The following TBX3 variants were observed in gnomAD, a reference collection of about 807,000 sequenced individuals.
TBX3 encodes the protein T-box transcription factor 3.
TBX3 carries 11 observed loss-of-function variants against 47.8 expected under a neutral mutation model. That is an observed-to-expected ratio of 0.23 (90% confidence interval 0.14 to 0.38). The LOEUF (loss-of-function observed/expected upper bound fraction) is 0.38, where lower values mean the gene tolerates loss of function less well. Among genes scored for constraint, TBX3 ranks in the 10% least tolerant of loss-of-function variants. The probability of loss-of-function intolerance (pLI) is 1.00; values close to 1 mark genes in which losing one functional copy is unlikely to be tolerated. For missense variants in TBX3, 927 were observed against 1,022.8 expected, an observed-to-expected ratio of 0.91 and a Z score of 1.28; for synonymous variants, 500 against 449.3, an observed-to-expected ratio of 1.11 and a Z score of -1.43.
intron 6 of TBX3, among the ~76,000 whole-genome samples, chr12:114,673,548 G>A (rs1868552331): frequency 6.6e-6 from 1 of 152,156 alleles, no homozygotes; most frequent in Admixed American, 6.5e-5. Context: ...CTTCGAACTG[G>A]GAGGAAAGGC....
In TBX3 at chr12:114,676,407, G is replaced by C. The variant is rs1868715436; in HGVS notation, c.945C>G (p.Thr315=). The C allele has an allele frequency of 6.2e-7, 1 of 1,614,234 alleles. No homozygotes were observed. The highest frequency in any genetic ancestry group is 8.5e-7 in the Non-Finnish European group (1 of 1,180,038). ...FDERHKKENG[T]SDESSSEQAA... ...CTTGTTCACTGGAGGACTCATCAGA[G>C]GTCCCATTCTCCTTTTTGTGTCTTT... Residue 315 remains threonine (T), a synonymous_variant, in exon 5 of 7, where the codon ACC becomes ACG. Coordinates refer to ENST00000349155, the MANE Select transcript of TBX3 (RefSeq NM_005996.4).
rs568322992 is a variant in TBX3, at chr12:114,679,885, A to T, written c.658-234T>A. 1,131 of 1,610,846 alleles carry T rather than the reference A, an allele frequency of 7.0e-4. 21 individuals carry two copies. In the South Asian group the frequency reaches 0.011, roughly 16 times the overall value. ...CCCCCCCCACCCTCACCATCTAAGGATCATTCATACCTTGAACCCTAGCCT... is the reference window on the plus strand; with the variant it reads ...CCCCCCCCACCCTCACCATCTAAGGTTCATTCATACCTTGAACCCTAGCCT... On this transcript the variant is annotated intron_variant, in intron 2 of 6. Coordinates refer to ENST00000349155, the MANE Select transcript of TBX3 (RefSeq NM_005996.4).
At position 114,674,055 on chromosome 12, in the gene TBX3, A is replaced by G. The variant is rs74932638; in HGVS notation, c.1710+110T>C. ...TGAACCCGGTAATGGCTCAGTAAAA[A>G]TTATTACAGCTACTAGGCCAAAGGG... On this transcript the variant is annotated intron_variant, in intron 6 of 6. Transcript: ENST00000349155. The G allele has an allele frequency of 2.0e-3, 2,736 of 1,397,760 alleles. 38 individuals are homozygous for G. In the African/African-American group the frequency reaches 0.033, roughly 17 times the overall value. 86.6% of individuals were successfully genotyped at this position (1,397,760 alleles called of 1,614,324 possible). A position where few individuals can be genotyped will look rare whatever the true frequency, so the allele number is the denominator to read the frequency against.
At chr12:114,676,067 A>T (rs1038668996) in intron 5 of TBX3, among the ~76,000 whole-genome samples, 6 of 151,806 alleles carry the variant, frequency 4.0e-5, no homozygotes, top group African/African-American at 1.5e-4. Flanking sequence ...ACAGACACCC[A>T]CCTCCCCTCC....
rs374981272 is a variant in TBX3, at chr12:114,674,575, G to A, written c.1300C>T (p.Arg434Cys). Residue 434 changes from arginine (R) to cysteine (C), a missense_variant, in exon 6 of 7, where the codon CGC (arginine) becomes TGC (cysteine). Arg to Cys is a radical substitution (Grantham distance 180, BLOSUM62 -3). Transcript: ENST00000349155. The stretch of plus-strand genomic sequence containing the variant: ...GTGCCCTCGCGAACCGGGCTCCTGC[G>A]CTCCTCCGCGCCCAGGCCGCGAGTG... ...SSTRGLGAEERRSPVREGTAP... is the reference protein window; with the variant it reads ...SSTRGLGAEECRSPVREGTAP... 6.3e-7 allele frequency: 1 copy of A among 1,579,898 alleles called. No homozygotes were observed. The highest frequency in any genetic ancestry group is 8.6e-7 in the Non-Finnish European group (1 of 1,165,956).
chr12:114,671,831 T>C lies in TBX3; in HGVS notation c.*10A>G, dbSNP rs1868445498. ...CTGGACTGGAATGAAAAGACGTGTC[T>C]GGGACGGGTCTACGGGGACGCGCTG... On this transcript the variant is annotated 3_prime_UTR_variant, in exon 7 of 7. Transcript: ENST00000349155. The C allele has an allele frequency of 6.4e-7, 1 of 1,552,312 alleles. No individual in the cohort carries two copies. Among genetic ancestry groups the C allele is most frequent in the Admixed American group, 2.0e-5 (1 of 51,230 alleles).
intron 5 of TBX3, among the ~76,000 whole-genome samples, chr12:114,676,097 C>T (rs932038935): frequency 1.3e-5 from 2 of 152,212 alleles, no homozygotes; most frequent in East Asian, 3.9e-4. Context: ...AAATAAGGAT[C>T]TGGGAGAAAG....
chr12:114,676,459 G>A lies in TBX3; in HGVS notation c.893C>T (p.Thr298Ile). The A allele has an allele frequency of 6.2e-7, 1 of 1,614,218 alleles. No homozygotes were observed. Among genetic ancestry groups the A allele is most frequent in the East Asian group, 2.2e-5 (1 of 44,886 alleles). Residue 298 changes from threonine to isoleucine, a missense_variant, in exon 5 of 7, where the codon ACC becomes ATC. Transcript: ENST00000349155. ...ATCAAACACCCTCATGGACTGCAGG[G>A]TGAGCTGTTTTCTGTGGCAGAAGCC... ...NGRREKRKQL[T>I]LQSMRVFDER...
rs1229934983 is a variant in TBX3 at position 114,671,761 on chromosome 12, G to A, written c.*80C>T. 1.3e-5 allele frequency: 19 copies of A among 1,518,116 alleles called. No homozygotes were observed. The highest frequency in any genetic ancestry group is 1.4e-5 in the Non-Finnish European group (16 of 1,120,148). The allele number at this position is 1,518,116 out of a possible 1,614,324, so 94.0% of individuals were successfully genotyped here. A position where few individuals can be genotyped will look rare whatever the true frequency, so the allele number is the denominator to read the frequency against. The stretch of plus-strand genomic sequence containing the variant: ...AAAGGAAGGGCTAACGCCATGGCGG[G>A]CCCGTGGTTTATTTTATATCCGACA... On this transcript the variant is annotated 3_prime_UTR_variant, in exon 7 of 7. Coordinates refer to ENST00000349155, the MANE Select transcript of TBX3 (RefSeq NM_005996.4).
In TBX3 at chr12:114,670,987, T is replaced by C. The variant is rs1448634409; in HGVS notation, c.*854A>G. ...TTTTTTAAAACCTTGTTATTGCATA[T>C]ACAGGAAAGAGAAAGAACTGTCAAA... On this transcript the variant is annotated 3_prime_UTR_variant, in exon 7 of 7. Transcript: ENST00000349155. 4.8e-6 allele frequency: 1 copy of C among 207,732 alleles called. No individual in the cohort carries two copies. Among genetic ancestry groups the C allele is most frequent in the Non-Finnish European group, 9.8e-6 (1 of 101,924 alleles). 12.9% of individuals were successfully genotyped at this position (207,732 alleles called of 1,614,324 possible).
chr12:114,675,626 C>G (rs1868672241), intron 5 of TBX3, among the ~76,000 whole-genome samples: 1 of 142,706 alleles, frequency 7.0e-6, no homozygotes, highest in African/African-American at 2.6e-5. Context: ...GGTTTCTTCC[C>G]GTTGAGAGTG....
At chr12:114,678,215 A>G (rs776570963) in intron 3 of TBX3, among the ~76,000 whole-genome samples, 13 of 152,126 alleles carry the variant, frequency 8.5e-5, no homozygotes, top group Non-Finnish European at 1.8e-4. Flanking sequence ...CACTGGAAAC[A>G]TCTGTTTTCA....
chr12:114,679,613 G>A lies in TBX3; in HGVS notation c.696C>T (p.Phe232=), dbSNP rs1238953658. Residue 232 remains phenylalanine, a synonymous_variant, in exon 3 of 7, where the codon TTC becomes TTT. Coordinates refer to ENST00000349155, the MANE Select transcript of TBX3 (RefSeq NM_005996.4). Reference sequence around the variant, plus strand: ...AGATGTCATTGGCTCTTACAATGTGGAACCGGGGCTGGTATTTGTGCATGG... The same window carrying A: ...AGATGTCATTGGCTCTTACAATGTGAAACCGGGGCTGGTATTTGTGCATGG... The part of the protein sequence containing the change: ...LNSMHKYQPR[F]HIVRANDILK... The A allele has an allele frequency of 6.2e-7, 1 of 1,614,054 alleles. No individual in the cohort carries two copies. Among genetic ancestry groups the A allele is most frequent in the Non-Finnish European group, 8.5e-7 (1 of 1,180,042 alleles).
chr12:114,670,624 C>T lies in TBX3; in HGVS notation c.*1217G>A, dbSNP rs562341144. Reference sequence around the variant, plus strand: ...GTGGAGCTGGAAAGTGGCACTCCTTCCCCAATTTTGGTGAAAATAGGAAAT... The same window carrying T: ...GTGGAGCTGGAAAGTGGCACTCCTTTCCCAATTTTGGTGAAAATAGGAAAT... On this transcript the variant is annotated 3_prime_UTR_variant, in exon 7 of 7. Transcript: ENST00000349155. The T allele has an allele frequency of 9.8e-4, 212 of 215,624 alleles. No individual in the cohort carries two copies. Among genetic ancestry groups the T allele is most frequent in the African/African-American group, 4.5e-3 (203 of 44,810 alleles). The allele number at this position is 215,624 out of a possible 1,614,324, so 13.4% of individuals were successfully genotyped here.
At chr12:114,680,555 C>A in intron 2 of TBX3, 3 of 438,906 alleles carry the variant, frequency 6.8e-6, no homozygotes, top group South Asian at 2.5e-5. Flanking sequence ...AAAACAAATC[C>A]TTTAGGAATA....
intron 3 of TBX3, 98 bp downstream of exon 3, chr12:114,679,407 C>G: frequency 6.5e-7 from 1 of 1,529,370 alleles, no homozygotes; most frequent in Non-Finnish European, 9.0e-7. Flanking sequence ...TCAAGACTCT[C>G]GTCTCCACTC....
At chr12:114,679,934 C>A (rs1868857321) in intron 2 of TBX3, 2 of 1,614,018 alleles carry the variant, frequency 1.2e-6, no homozygotes, top group Non-Finnish European at 1.7e-6. Flanking sequence ...AACTATAATT[C>A]CCCTGCCACG....
rs886049019 is a variant in TBX3 at position 114,683,713 on chromosome 12, TCTCG to T, written c.-517_-514del. On this transcript the variant is annotated 5_prime_UTR_variant, in exon 1 of 7. Coordinates refer to ENST00000349155, the MANE Select transcript of TBX3 (RefSeq NM_005996.4). The surrounding 1 kb of genome is among the most constrained non-coding windows in gnomAD (Gnocchi z 7.7). ...CCCTATCTGTCTTCCTCTCCCTCTT[TCTCG>T]CTGGTGGCGTCTGCAGCTGTGCTAG... 2.4e-4 allele frequency: 55 copies of T among 231,444 alleles called. 1 individual carries two copies. The highest frequency in any genetic ancestry group is 2.3e-3 in the Admixed American group (40 of 17,770). The allele number at this position is 231,444 out of a possible 1,614,324, so 14.3% of individuals were successfully genotyped here.
rs745430502 is a variant in TBX3, at chr12:114,674,198, G to C, written c.1677C>G (p.Pro559=). The C allele has an allele frequency of 6.3e-7, 1 of 1,583,684 alleles. No individual in the cohort carries two copies. The highest frequency in any genetic ancestry group is 8.6e-7 in the Non-Finnish European group (1 of 1,166,770). ...CCAGGACGTGCTGCTGGAGGTGGAA[G>C]GGCAGGGTGGCCGCGGACGCCCCGG... The part of the protein sequence containing the change: ...GLSGASAATL[P]FHLQQHVLAS... The change falls in exon 6 of 7, where the codon CCC becomes CCG. Residue 559 remains proline (P), a synonymous_variant. Coordinates refer to ENST00000349155, the MANE Select transcript of TBX3 (RefSeq NM_005996.4).
Sources: gnomAD v4.1 joint callset for allele counts (sites outside exome capture counted in the v4.1 genomes callset) on GRCh38, gnomAD v4.1.1 for gene constraint, Gnocchi (gnomAD v3.1) non-coding constraint, MANE v1.5 for transcripts, NCBI Gene and HGNC (gene_info 2026-07-23, HGNC 2026-07-21) for gene names.